AHRR: variants seen among roughly 807,000 people sequenced by gnomAD.
The protein encoded by AHRR is aryl hydrocarbon receptor repressor.
A neutral mutation model predicts 44.0 loss-of-function variants in AHRR; 28 were observed. That is an observed-to-expected ratio of 0.64 (90% confidence interval 0.47 to 0.87). AHRR has a LOEUF of 0.87. Among genes scored for constraint, AHRR ranks in the 40% least tolerant of loss-of-function variants. The probability of loss-of-function intolerance (pLI) is 0.00; values close to 1 mark genes in which losing one functional copy is unlikely to be tolerated. For missense variants in AHRR, 990 were observed against 953.9 expected (o/e 1.04, Z -0.50); for synonymous variants, 434 against 407.0 (o/e 1.07, Z -0.80).
At chr5:432,760 C>T in intron 9 of AHRR, 46 bp from the exon 10 acceptor site, 1 of 1,613,660 alleles carries the variant, frequency 6.2e-7, no homozygotes, top group Non-Finnish European at 8.5e-7. Flanking sequence ...CCAGGAGCTC[C>T]TCAGCTCGCA....
At chr5:367,762 G>A (rs763621747) in intron 3 of AHRR, 3 of 684,646 alleles carry the variant, frequency 4.4e-6, no homozygotes, top group East Asian at 2.7e-5. Flanking sequence ...TGCTTAACTC[G>A]TGTGTTGCTG....
intron 2 of AHRR, among the ~76,000 whole-genome samples, chr5:349,944 C>T (rs1742805543): frequency 1.3e-5 from 2 of 152,206 alleles, no homozygotes; most frequent in Non-Finnish European, 2.9e-5. Context: ...ACCAGTGTGT[C>T]TATTTCTAGA....
At chr5:423,753 G>T in intron 6 of AHRR, 88 bp from the exon 7 acceptor site, 1 of 1,483,516 alleles carries the variant, frequency 6.7e-7, no homozygotes. Flanking sequence ...ATGACCTGGC[G>T]CGTGAGAGCC....
At chr5:423,601 A>G (rs1328624478) in intron 6 of AHRR, among the ~76,000 whole-genome samples, 1 of 152,264 alleles carries the variant, frequency 6.6e-6, no homozygotes, top group African/African-American at 2.4e-5. Flanking sequence ...AAAAACAAGC[A>G]AGATGAAACC....
Position 422,836 on chromosome 5 carries a change from G to T in AHRR, c.549G>T (p.Gly183=). The T allele has an allele frequency of 6.2e-7, 1 of 1,613,654 alleles. No homozygotes were observed. The change falls in exon 6 of 11, where the codon GGG becomes GGT. Residue 183 remains glycine (G), a synonymous_variant. Coordinates refer to ENST00000684583, the MANE Select transcript of AHRR (RefSeq NM_001377236.1). ...TGGACCCTCCCCAGGTGGTGTTTGG[G>T]CAGCCCCCGCCCTTGGAGACAGGTG... The part of the protein sequence containing the change: ...WAMDPPQVVF[G]QPPPLETGDD...
intron 4 of AHRR, among the ~76,000 whole-genome samples, chr5:385,265 C>G (rs1423458538): frequency 6.6e-6 from 1 of 151,924 alleles, no homozygotes; most frequent in East Asian, 1.9e-4. Context: ...ACCTTGAACT[C>G]TTGGACTCAA....
chr5:387,760 C>A lies in AHRR; in HGVS notation c.351+11044C>A, dbSNP rs867172134. Among the ~76,000 whole-genome samples, 1 of 152,212 alleles carries A rather than the reference C, an allele frequency of 6.6e-6. No individual in the cohort carries two copies. On this transcript the variant is annotated intron_variant, in intron 4 of 10. Transcript: ENST00000684583. The surrounding 1 kb of genome is among the most constrained non-coding windows in gnomAD (Gnocchi z 5.1). ...ATACGCTGTACCTGCCGGAACTTGG[C>A]GACACCATGTCAGCTTCCTGGGGCA...
intron 3 of AHRR, among the ~76,000 whole-genome samples, chr5:374,369 G>T (rs1743704080): frequency 6.6e-6 from 1 of 152,240 alleles, no homozygotes; most frequent in Non-Finnish European, 1.5e-5. Flanking sequence ...GATTTTCACT[G>T]TTAAAAACCT....
At chr5:327,944 C>T (rs1332169871) in intron 1 of AHRR, among the ~76,000 whole-genome samples, 1 of 152,136 alleles carries the variant, frequency 6.6e-6, no homozygotes, top group African/African-American at 2.4e-5. Context: ...CTCCCCCTAC[C>T]CTACAACAGT....
At chr5:385,300 A>T (rs1734135193) in intron 4 of AHRR, among the ~76,000 whole-genome samples, 1 of 151,940 alleles carries the variant, frequency 6.6e-6, no homozygotes, top group Non-Finnish European at 1.5e-5. Flanking sequence ...TCAGCCTCCC[A>T]AATAATTAGG....
Position 370,558 on chromosome 5 carries a change from CAGCCCCA to C in AHRR, c.245-6051_245-6045del, listed in dbSNP as rs1451831598. ...GACCCTGAGAGTCTCACAGTGGGTG[CAGCCCCA>C]GGCAGGTGGTGGTCCATAGGGGACA... On this transcript the variant is annotated intron_variant, in intron 3 of 10. Coordinates refer to ENST00000684583, the MANE Select transcript of AHRR (RefSeq NM_001377236.1). The surrounding 1 kb of genome is among the most constrained non-coding windows in gnomAD (Gnocchi z 4.5). Among the ~76,000 whole-genome samples the C allele has an allele frequency of 6.6e-6, 1 of 152,154 alleles. No individual in the cohort carries two copies. The highest frequency in any genetic ancestry group is 1.5e-5 in the Non-Finnish European group (1 of 68,026).
At chr5:415,730 G>GCCGAATCTCCCTGGTCAGGCGGGAGGC (rs1560916547) in intron 5 of AHRR, among the ~76,000 whole-genome samples, 1 of 152,110 alleles carries the variant, frequency 6.6e-6, no homozygotes. Flanking sequence ...AGGCCTAGGG[G>GCCGAATCTCCCTGGTCAGGCGGGAGGC]CTGTGCAGAG....
At chr5:355,781 G>A (rs1743017894) in intron 3 of AHRR, among the ~76,000 whole-genome samples, 1 of 152,222 alleles carries the variant, frequency 6.6e-6, no homozygotes, top group African/African-American at 2.4e-5. Context: ...CTGCTGGGAG[G>A]TGCCCACCTC....
In AHRR at chr5:434,003, T is replaced by TG. The variant is rs1560926990; in HGVS notation, c.1264dup (p.Asp422GlyfsTer52). On this transcript the variant is annotated frameshift_variant, in exon 11 of 11. Transcript: ENST00000684583. ...GGCCGAGGCTGCAGCCCAGCAAGAA[T>TG]GACCCGCCCTCCCTGCGCCCCATGC... The TG allele has an allele frequency of 3.2e-6, 5 of 1,577,764 alleles. No homozygotes were observed. Among genetic ancestry groups the TG allele is most frequent in the Non-Finnish European group, 2.6e-6 (3 of 1,163,446 alleles).
At position 434,705 on chromosome 5, in the gene AHRR, CAAG is replaced by C; in HGVS notation, c.1966_1968del (p.Lys656del). 1 of 1,573,498 alleles carries C rather than the reference CAAG, an allele frequency of 6.4e-7. No individual in the cohort carries two copies. The highest frequency in any genetic ancestry group is 8.6e-7 in the Non-Finnish European group (1 of 1,159,312). On this transcript the variant is annotated inframe_deletion, in exon 11 of 11. Coordinates refer to ENST00000684583, the MANE Select transcript of AHRR (RefSeq NM_001377236.1). ...GAGCTGCTGAGGCCGCCCCTGTGGT[CAAG>C]CGGGAGCCCTTGGACTCACCCCAGT...
In AHRR at chr5:434,502, G is replaced by A. The variant is rs1286342754; in HGVS notation, c.1762G>A (p.Gly588Arg). The A allele has an allele frequency of 1.4e-5, 23 of 1,613,002 alleles. No homozygotes were observed. The highest frequency in any genetic ancestry group is 1.9e-5 in the Non-Finnish European group (23 of 1,179,956). ...SRQQVYISHLGHGVRGAQPHG... is the reference protein window; with the variant it reads ...SRQQVYISHLRHGVRGAQPHG... ...GCAACAGGTGTACATCTCGCACCTGGGGCACGGCGTGCGGGGGGCTCAGCC... is the reference window on the plus strand; with the variant it reads ...GCAACAGGTGTACATCTCGCACCTGAGGCACGGCGTGCGGGGGGCTCAGCC... The change falls in exon 11 of 11, where the codon GGG becomes AGG. Residue 588 changes from glycine (G) to arginine (R), a missense_variant. Transcript: ENST00000684583.
chr5:360,591 T>C lies in AHRR; in HGVS notation c.244+6680T>C, dbSNP rs1450035398. 2.0e-5 allele frequency among the ~76,000 whole-genome samples: 3 copies of C among 152,094 alleles called. No individual in the cohort carries two copies. In the East Asian group the frequency reaches 5.8e-4, roughly 29 times the overall value. ...TGGTGAGGGCTCAGAGAGGAGAGCATTGTAGGGAGAGCTGTGGTCGTAGAG... is the reference window on the plus strand; with the variant it reads ...TGGTGAGGGCTCAGAGAGGAGAGCACTGTAGGGAGAGCTGTGGTCGTAGAG... On this transcript the variant is annotated intron_variant, in intron 3 of 10. Coordinates refer to ENST00000684583, the MANE Select transcript of AHRR (RefSeq NM_001377236.1).
chr5:346,935 A>G (rs1000878104), intron 2 of AHRR, among the ~76,000 whole-genome samples: 4 of 152,186 alleles, frequency 2.6e-5, no homozygotes, highest in African/African-American at 9.7e-5. Context: ...TTAGCTTGCA[A>G]GAGTTAAAAT....
rs535338946 is a variant in AHRR, at chr5:430,039, G to T, written c.908+2033G>T. On this transcript the variant is annotated intron_variant, in intron 8 of 10. Transcript: ENST00000684583. ...CACAGCAGATGGAGCTGTGCAGACC[G>T]GAGCAGACGTCCCCGCCCTGTTCTG... 1.4e-4 allele frequency among the ~76,000 whole-genome samples: 22 copies of T among 152,324 alleles called. 1 individual carries two copies. The South Asian group carries it at 4.6e-3, about 32-fold the overall frequency.
Sources: allele counts gnomAD v4.1 joint callset (sites outside exome capture counted in the v4.1 genomes callset), GRCh38; gene constraint gnomAD v4.1.1; non-coding constraint Gnocchi (gnomAD v3.1); transcripts MANE v1.5; gene names NCBI Gene and HGNC (gene_info 2026-07-23, HGNC 2026-07-21).